Variants in VRK3 observed in about 807,000 individuals in gnomAD.
The protein encoded by VRK3 is serine/threonine-protein kinase VRK3.
VRK3 carries 50 observed loss-of-function variants against 60.4 expected under a neutral mutation model. That is an observed-to-expected ratio of 0.83 (90% CI 0.66 to 1.05). The LOEUF is 1.05. Among genes scored for constraint, VRK3 ranks in the 50% least tolerant of loss-of-function variants. The pLI, the probability that VRK3 is intolerant of heterozygous loss-of-function variation, is 0.00. For synonymous variants in VRK3, 246 were observed against 227.8 expected, an observed-to-expected ratio of 1.08 and a Z score of -0.72; for missense variants, 549 against 585.3, an observed-to-expected ratio of 0.94 and a Z score of 0.64.
At chr19:49,989,077 T>G (rs1246153055) in intron 11 of VRK3, among the ~76,000 whole-genome samples, 1 of 152,152 alleles carries the variant, frequency 6.6e-6, no homozygotes, top group Non-Finnish European at 1.5e-5. Context: ...CACCCGATGC[T>G]GGAGGCAGGG....
At chr19:50,002,065 T>A (rs1399783210) in intron 5 of VRK3, among the ~76,000 whole-genome samples, 5 of 151,722 alleles carry the variant, frequency 3.3e-5, no homozygotes, top group Non-Finnish European at 7.4e-5. Context: ...AGCCGGGGAG[T>A]GGCAGAGCTG....
In VRK3 at chr19:49,981,872, TGAG is replaced by T. The variant is rs1444708322; in HGVS notation, c.1218-862_1218-860del. On this transcript the variant is annotated intron_variant, in intron 12 of 14. Transcript: ENST00000316763. ...GCCAATGGGCGGTATCCAAACATTT[TGAG>T]GAGATTTTAACTGGTAGGTTCAAAG... 8.4e-6 allele frequency: 10 copies of T among 1,193,808 alleles called. No individual in the cohort carries two copies. The East Asian group carries it at 1.0e-4, about 12-fold the overall frequency. The allele number at this position is 1,193,808 out of a possible 1,614,324, so 74.0% of individuals were successfully genotyped here.
At chr19:50,022,284 G>C (rs540854677) in intron 1 of VRK3, among the ~76,000 whole-genome samples, 15 of 152,182 alleles carry the variant, frequency 9.9e-5, no homozygotes, top group African/African-American at 3.1e-4. Flanking sequence ...GTGGAACCAC[G>C]GCAAGAGAGT....
chr19:50,016,022 A>C lies in VRK3; in HGVS notation c.139+2T>G. The C allele has an allele frequency of 6.2e-7, 1 of 1,614,146 alleles. No homozygotes were observed. The highest frequency in any genetic ancestry group is 8.5e-7 in the Non-Finnish European group (1 of 1,180,010). Reference sequence around the variant, plus strand: ...AAACAGGCTCAATGCTCTGGTTCTTACCTTGGAAGGATGACACATGTGGAT... The same window carrying C: ...AAACAGGCTCAATGCTCTGGTTCTTCCCTTGGAAGGATGACACATGTGGAT... On this transcript the variant is annotated splice_donor_variant, in intron 3 of 14. Transcript: ENST00000316763. LOFTEE classifies it high-confidence loss of function.
At chr19:50,008,030 GC>G (rs2076928282) in intron 4 of VRK3, among the ~76,000 whole-genome samples, 1 of 152,180 alleles carries the variant, frequency 6.6e-6, no homozygotes, top group Admixed American at 6.5e-5. Context: ...CCTCAGGAGT[GC>G]CCAGTTTGGT....
chr19:49,995,374 C>T (rs2076684673), intron 7 of VRK3, 99 bp from the exon 8 acceptor site: 2 of 1,054,654 alleles, frequency 1.9e-6, no homozygotes, highest in South Asian at 2.8e-5. Context: ...GCCCAGACCG[C>T]CTCCAAGTCT....
intron 13 of VRK3, among the ~76,000 whole-genome samples, chr19:49,980,208 AAAAC>A (rs2076399485): frequency 6.6e-6 from 1 of 152,178 alleles, no homozygotes; most frequent in Non-Finnish European, 1.5e-5. Context: ...GACAACAGGA[AAAAC>A]AAACACCCCC....
At chr19:49,980,827 C>A in intron 13 of VRK3, 128 bp downstream of exon 13, 2 of 737,402 alleles carry the variant, frequency 2.7e-6, no homozygotes, top group South Asian at 3.7e-5. Flanking sequence ...ACAATGGGTA[C>A]GTATTACAAA....
chr19:50,009,259 A>G lies in VRK3; in HGVS notation c.266T>C (p.Leu89Pro), dbSNP rs763444385. Residue 89 changes from leucine (L) to proline (P), a missense_variant, in exon 4 of 15, where the codon CTG (leucine) becomes CCG (proline). Leu to Pro is a moderately conservative substitution (Grantham distance 98). Coordinates refer to ENST00000316763, the MANE Select transcript of VRK3 (RefSeq NM_016440.4). ...DGDSSESEDT[L>P]SSSERSKGSG... ...ACCTTTGGATCTCTCAGAGGAACTCAGAGTATCTTCAGACTCAGAACTGTC... is the reference window on the plus strand; with the variant it reads ...ACCTTTGGATCTCTCAGAGGAACTCGGAGTATCTTCAGACTCAGAACTGTC... 1.2e-6 allele frequency: 2 copies of G among 1,614,164 alleles called. No individual in the cohort carries two copies. Among genetic ancestry groups the G allele is most frequent in the South Asian group, 1.1e-5 (1 of 91,068 alleles).
intron 1 of VRK3, among the ~76,000 whole-genome samples, chr19:50,022,289 G>C (rs909417757): frequency 4.0e-5 from 6 of 149,228 alleles, no homozygotes; most frequent in Non-Finnish European, 1.5e-5. Flanking sequence ...ACCACGGCAA[G>C]AGAGTCTTTT....
In VRK3 at chr19:50,004,845, G is replaced by A. The variant is rs148197407; in HGVS notation, c.547+2724C>T. ...GAATCACTTGAGCCTGGGAGGTTGA[G>A]GCTGCAGTGAGCCGTGATTGCACAA... On this transcript the variant is annotated intron_variant, in intron 5 of 14. Coordinates refer to ENST00000316763, the MANE Select transcript of VRK3 (RefSeq NM_016440.4). Among the ~76,000 whole-genome samples the A allele has an allele frequency of 6.5e-4, 99 of 152,116 alleles. 1 individual carries two copies. The East Asian group carries it at 0.017, about 26-fold the overall frequency.
In VRK3 at chr19:50,001,975, A is replaced by G. The variant is rs376897354; in HGVS notation, c.548-1121T>C. Among the ~76,000 whole-genome samples the G allele has an allele frequency of 1.1e-4, 16 of 152,202 alleles. No homozygotes were observed. In the East Asian group the frequency reaches 3.1e-3, roughly 29 times the overall value. ...TGCTCAGTGAACCCACTCAGCCCAG[A>G]GCCCAGCACGGACCCTGGCACATCA... is the stretch of plus-strand genomic sequence containing the variant. On this transcript the variant is annotated intron_variant, in intron 5 of 14. Transcript: ENST00000316763.
chr19:50,010,509 C>T (rs1000468055), intron 3 of VRK3, among the ~76,000 whole-genome samples: 5 of 152,178 alleles, frequency 3.3e-5, no homozygotes, highest in African/African-American at 1.2e-4. Flanking sequence ...GGGAGTGGTA[C>T]CCACATCTCA....
At chr19:49,984,747 T>C (rs2076483412) in intron 12 of VRK3, among the ~76,000 whole-genome samples, 2 of 152,270 alleles carry the variant, frequency 1.3e-5, no homozygotes, top group South Asian at 4.1e-4. Context: ...TCCTTCCACC[T>C]CAGCCTCCTG....
At chr19:49,995,017 G>A (rs938303871) in intron 8 of VRK3, 98 bp from the exon 9 acceptor site, 22 of 1,318,970 alleles carry the variant, frequency 1.7e-5, no homozygotes, top group Non-Finnish European at 2.3e-5. Flanking sequence ...CAAGGTCCTG[G>A]TCCCAGGTGA....
intron 10 of VRK3, among the ~76,000 whole-genome samples, chr19:49,992,625 T>C (rs1332146143): frequency 1.3e-5 from 2 of 152,242 alleles, no homozygotes; most frequent in African/African-American, 4.8e-5. Flanking sequence ...GGAGGTTGAA[T>C]ATCTTTTCAT....
intron 10 of VRK3, among the ~76,000 whole-genome samples, chr19:49,991,550 C>CACACACA (rs58965470): frequency 1.3e-5 from 2 of 151,992 alleles, no homozygotes; most frequent in African/African-American, 4.8e-5. Flanking sequence ...CACACACACA[C>CACACACA]CCTGCCAGTT....
intron 3 of VRK3, among the ~76,000 whole-genome samples, chr19:50,015,220 C>T (rs1036852498): frequency 4.6e-5 from 7 of 152,060 alleles, no homozygotes; most frequent in South Asian, 2.1e-4. Flanking sequence ...ATCCCAAATC[C>T]GGAAATCTGA....
intron 7 of VRK3, among the ~76,000 whole-genome samples, chr19:49,995,952 T>A (rs986909448): frequency 3.9e-5 from 6 of 151,920 alleles, no homozygotes; most frequent in African/African-American, 9.7e-5. Context: ...AGATGGAGTC[T>A]TCGTCTGTCA....
Sources: allele counts gnomAD v4.1 joint callset (sites outside exome capture counted in the v4.1 genomes callset), GRCh38; gene constraint gnomAD v4.1.1; transcripts MANE v1.5; gene names NCBI Gene and HGNC (gene_info 2026-07-23, HGNC 2026-07-21).